Variants in NOL10 observed in about 807,000 individuals in gnomAD.
The protein encoded by NOL10 is H_NH0074G24.1.
In NOL10, 58 loss-of-function variants were observed where a neutral mutation model predicts 103.5. The ratio of observed to expected loss-of-function variants is 0.56; its 90% CI spans 0.45 to 0.70. The LOEUF (loss-of-function observed/expected upper bound fraction) is 0.70, where lower values mean the gene tolerates loss of function less well. Among genes scored for constraint, NOL10 ranks in the 30% least tolerant of loss-of-function variants. The pLI, the probability that NOL10 is intolerant of heterozygous loss-of-function variation, is 0.00. For synonymous variants in NOL10, 287 were observed against 282.5 expected (o/e 1.02, Z -0.16); for missense variants, 763 against 807.3 (o/e 0.95, Z 0.67).
intron 17 of NOL10, among the ~76,000 whole-genome samples, chr2:10,591,655 G>A (rs533799972): frequency 1.3e-5 from 2 of 152,174 alleles, no homozygotes; most frequent in Admixed American, 6.5e-5. Flanking sequence ...GGGAGACAGG[G>A]AAGGAGGGAG....
chr2:10,587,856 G>A (rs994205091), intron 19 of NOL10, among the ~76,000 whole-genome samples: 4 of 152,022 alleles, frequency 2.6e-5, no homozygotes, highest in Admixed American at 6.6e-5. Context: ...CTCCCACTTC[G>A]GAGAAAACAC....
chr2:10,653,800 G>A (rs888108677), intron 12 of NOL10, among the ~76,000 whole-genome samples: 19 of 151,926 alleles, frequency 1.3e-4, no homozygotes, highest in Admixed American at 7.9e-4. Flanking sequence ...TCACTGCTCC[G>A]CTCTCGGTGG....
chr2:10,678,618 C>G (rs1681497706), intron 3 of NOL10, among the ~76,000 whole-genome samples: 2 of 152,116 alleles, frequency 1.3e-5, no homozygotes, highest in African/African-American at 4.8e-5. Context: ...TGAGTTCATT[C>G]CCTTAGATAA....
At chr2:10,578,676 A>G (rs10188373) in intron 19 of NOL10, among the ~76,000 whole-genome samples, 52,243 of 152,082 alleles carry the variant, frequency 0.34, 9,397 homozygotes, top group Non-Finnish European at 0.4. Context: ...ATGTTTTATT[A>G]TAAACTAGAA....
chr2:10,580,012 T>C (rs1172585903), intron 19 of NOL10, among the ~76,000 whole-genome samples: 1 of 152,234 alleles, frequency 6.6e-6, no homozygotes, highest in Admixed American at 6.5e-5. Flanking sequence ...CTAGGCTATT[T>C]GGAAAGACAA....
intron 17 of NOL10, among the ~76,000 whole-genome samples, chr2:10,592,024 AAAC>A (rs756616618): frequency 0.35 from 51,734 of 147,116 alleles, 9,251 homozygotes; most frequent in Non-Finnish European, 0.4. Context: ...ACAAACAAAC[AAAC>A]CAACCCAAAA....
At chr2:10,640,435 C>T (rs969350793) in intron 13 of NOL10, among the ~76,000 whole-genome samples, 7 of 152,184 alleles carry the variant, frequency 4.6e-5, no homozygotes, top group African/African-American at 7.2e-5. Context: ...CATAATGCTT[C>T]GCTTAGCAAA....
At chr2:10,604,897 T>C (rs547534121) in intron 14 of NOL10, 36 of 152,346 alleles carry the variant, frequency 2.4e-4, no homozygotes, top group African/African-American at 8.4e-4. Flanking sequence ...AGATTTACAA[T>C]GTATGATGGT....
chr2:10,593,705 C>T (rs867887751), intron 17 of NOL10, among the ~76,000 whole-genome samples: 23 of 152,208 alleles, frequency 1.5e-4, no homozygotes, highest in African/African-American at 5.5e-4. Context: ...CCCTTTCCCA[C>T]GGAGAAGTTG....
At chr2:10,677,082 G>C (rs967352235) in intron 3 of NOL10, among the ~76,000 whole-genome samples, 2 of 151,882 alleles carry the variant, frequency 1.3e-5, no homozygotes, top group African/African-American at 4.8e-5. Context: ...GGGATTACAG[G>C]TGCCTGCCGC....
intron 13 of NOL10, among the ~76,000 whole-genome samples, chr2:10,635,467 A>C (rs1031660571): frequency 1.3e-5 from 2 of 152,218 alleles, no homozygotes; most frequent in African/African-American, 2.4e-5. Flanking sequence ...CTGAAATTCA[A>C]ATTTAAGATG....
intron 17 of NOL10, among the ~76,000 whole-genome samples, chr2:10,594,502 T>G (rs921470105): frequency 2.6e-5 from 4 of 152,160 alleles, no homozygotes; most frequent in African/African-American, 9.7e-5. Flanking sequence ...AAGCAACTTC[T>G]TCAGGAAGGT....
At chr2:10,679,359 CAA>C (rs535159833) in intron 3 of NOL10, among the ~76,000 whole-genome samples, 25 of 109,314 alleles carry the variant, frequency 2.3e-4, no homozygotes, top group Admixed American at 3.0e-4. Flanking sequence ...AACTCTGCCT[CAA>C]AAAAAAAAAA....
chr2:10,616,745 C>T (rs1317930672), intron 13 of NOL10, among the ~76,000 whole-genome samples: 2 of 151,880 alleles, frequency 1.3e-5, no homozygotes, highest in African/African-American at 4.8e-5. Flanking sequence ...GATGTAGTTT[C>T]GCCATGTTGC....
At chr2:10,627,313 G>A (rs1417025824) in intron 13 of NOL10, among the ~76,000 whole-genome samples, 3 of 152,058 alleles carry the variant, frequency 2.0e-5, no homozygotes, top group Non-Finnish European at 2.9e-5. Flanking sequence ...TTATAGGCTT[G>A]GCTTTATCAT....
intron 11 of NOL10, 27 bp from the exon 12 acceptor site, chr2:10,654,574 A>T: frequency 6.6e-7 from 1 of 1,510,100 alleles, no homozygotes. Context: ...AAAACGAAGT[A>T]TTAAAAGTTA....
At chr2:10,593,026 T>C (rs1331226269) in intron 17 of NOL10, among the ~76,000 whole-genome samples, 5 of 152,254 alleles carry the variant, frequency 3.3e-5, no homozygotes, top group Admixed American at 2.0e-4. Flanking sequence ...ACCACAGTCC[T>C]ACCTGGAAGA....
chr2:10,634,340 G>C (rs1324154853), intron 13 of NOL10, among the ~76,000 whole-genome samples: 1 of 152,182 alleles, frequency 6.6e-6, no homozygotes, highest in Non-Finnish European at 1.5e-5. Context: ...AAGTGGAGAG[G>C]AGAGGAAACA....
intron 19 of NOL10, among the ~76,000 whole-genome samples, chr2:10,587,090 T>TATATATACAC (rs1212882646): frequency 1.5e-5 from 1 of 64,886 alleles, no homozygotes; most frequent in Admixed American, 1.7e-4. Flanking sequence ...TATATATACA[T>TATATATACAC]ATATATACAC....
Sources: gnomAD v4.1 joint callset for allele counts (sites outside exome capture counted in the v4.1 genomes callset) on GRCh38, gnomAD v4.1.1 for gene constraint, MANE v1.5 for transcripts, NCBI Gene and HGNC (gene_info 2026-07-23, HGNC 2026-07-21) for gene names.